The following CNTNAP3 variants were observed in gnomAD, a reference collection of about 807,000 sequenced individuals.
CNTNAP3 encodes the protein contactin associated protein family member 3, also known as contactin-associated protein-like 3.
CNTNAP3 carries 36 observed loss-of-function variants against 92.1 expected under a neutral mutation model. The ratio of observed to expected loss-of-function variants is 0.39; its 90% confidence interval spans 0.30 to 0.52. The LOEUF (loss-of-function observed/expected upper bound fraction) is 0.52. CNTNAP3 is among the 20% of genes least tolerant of loss of function. The pLI is 0.76. For synonymous variants in CNTNAP3, 232 were observed against 422.3 expected, an observed-to-expected ratio of 0.55 and a Z score of 5.53; for missense variants, 534 against 1,069.6, an observed-to-expected ratio of 0.50 and a Z score of 6.98.
intron 11 of CNTNAP3, among the ~76,000 whole-genome samples, chr9:39,141,889 T>C (rs1260060634): frequency 6.6e-6 from 1 of 152,178 alleles, no homozygotes; most frequent in Non-Finnish European, 1.5e-5. Flanking sequence ...TAATGAGTTA[T>C]ATACAATTAA....
chr9:39,094,077 G>T (rs533982613), intron 18 of CNTNAP3, among the ~76,000 whole-genome samples: 4 of 151,446 alleles, frequency 2.6e-5, no homozygotes, highest in African/African-American at 9.7e-5. Flanking sequence ...TAGTAGGTTT[G>T]AAGAGGCAGC....
At chr9:39,134,537 G>C (rs1211837995) in intron 12 of CNTNAP3, among the ~76,000 whole-genome samples, 1 of 152,038 alleles carries the variant, frequency 6.6e-6, no homozygotes, top group Non-Finnish European at 1.5e-5. Context: ...CAGTTCTCCT[G>C]TCTCAGCCTC....
At chr9:39,132,704 T>C (rs929767644) in intron 13 of CNTNAP3, among the ~76,000 whole-genome samples, 2 of 152,096 alleles carry the variant, frequency 1.3e-5, no homozygotes, top group African/African-American at 4.8e-5. Context: ...AAAGGACAAG[T>C]CACTAGTCCT....
chr9:39,122,598 A>ATT (rs1218764646), intron 13 of CNTNAP3, among the ~76,000 whole-genome samples: 10 of 152,236 alleles, frequency 6.6e-5, no homozygotes, highest in Non-Finnish European at 1.2e-4. Context: ...TTATGCAAAG[A>ATT]GCAAATTCAG....
Position 39,074,795 on chromosome 9 carries a change from G to T in CNTNAP3, c.3746-784C>A, listed in dbSNP as rs1825709839. On this transcript the variant is annotated intron_variant, in intron 23 of 23. Coordinates refer to ENST00000297668, the MANE Select transcript of CNTNAP3 (RefSeq NM_033655.5). The stretch of plus-strand genomic sequence containing the variant: ...ACTTTTCTTTTTTTTCTGAGACGGA[G>T]TCTTGCTCTGTCGCCCAGTCTGGAG... Among the ~76,000 whole-genome samples the T allele has an allele frequency of 2.0e-5, 3 of 152,286 alleles. No individual in the cohort carries two copies. In the South Asian group the frequency reaches 6.2e-4, roughly 32 times the overall value.
At chr9:39,140,973 A>G (rs1269443153) in intron 11 of CNTNAP3, among the ~76,000 whole-genome samples, 1 of 152,218 alleles carries the variant, frequency 6.6e-6, no homozygotes, top group Non-Finnish European at 1.5e-5. Flanking sequence ...ATGTGCTTAC[A>G]GTGGGAATGC....
Position 39,119,631 on chromosome 9 carries a change from A to T in CNTNAP3, c.2081-1372T>A, listed in dbSNP as rs566451467. 1.9e-4 allele frequency among the ~76,000 whole-genome samples: 29 copies of T among 152,284 alleles called. 2 individuals are homozygous for T. In the East Asian group the frequency reaches 1.9e-3, roughly 10 times the overall value. On this transcript the variant is annotated intron_variant, in intron 13 of 23. Coordinates refer to ENST00000297668, the MANE Select transcript of CNTNAP3 (RefSeq NM_033655.5). ...AAAGTAGTAAAAATGTATTTTTTTT[A>T]GAAACAGTAGCAAAAAGATGTAAGT...
Position 39,100,158 on chromosome 9 carries a change from G to T in CNTNAP3, c.2756-8C>A. On this transcript the variant is annotated splice_region_variant and splice_polypyrimidine_tract_variant and intron_variant, in intron 17 of 23. Transcript: ENST00000297668. Reference sequence around the variant, plus strand: ...GTCTGGTGGCCGTTCCACCTACAACGGAAACACTGCAAATAGAAATGTGTT... The same window carrying T: ...GTCTGGTGGCCGTTCCACCTACAACTGAAACACTGCAAATAGAAATGTGTT... 6.4e-7 allele frequency: 1 copy of T among 1,568,720 alleles called. No homozygotes were observed. The highest frequency in any genetic ancestry group is 8.7e-7 in the Non-Finnish European group (1 of 1,153,810).
intron 12 of CNTNAP3, among the ~76,000 whole-genome samples, chr9:39,133,733 A>G (rs1821360859): frequency 1.3e-5 from 2 of 151,772 alleles, no homozygotes; most frequent in Non-Finnish European, 2.9e-5. Context: ...ATCATTTCTG[A>G]TGTATCTCTG....
At chr9:39,145,369 G>T (rs1821673555) in intron 10 of CNTNAP3, among the ~76,000 whole-genome samples, 1 of 141,550 alleles carries the variant, frequency 7.1e-6, no homozygotes, top group Non-Finnish European at 1.6e-5. Flanking sequence ...GGCCGTGAGG[G>T]ACATCATAGT....
chr9:39,083,420 G>A (rs141989335), intron 21 of CNTNAP3, among the ~76,000 whole-genome samples: 1 of 152,064 alleles, frequency 6.6e-6, no homozygotes, highest in African/African-American at 2.4e-5. Flanking sequence ...CAGCACTTTG[G>A]GAGACTGAGG....
chr9:39,118,136 T>C lies in CNTNAP3; in HGVS notation c.2204A>G (p.Tyr735Cys). Residue 735 changes from tyrosine to cysteine, a missense_variant, in exon 14 of 24, where the codon TAT becomes TGT. Transcript: ENST00000297668. ...CCGGCCAGCATCACAGTTGCAGTAA[T>C]ACTGAGAATCAATGCAGTTCCCCTC... The part of the protein sequence containing the change: ...GLEGNCIDSQ[Y>C]YCNCDAGRNE... The C allele has an allele frequency of 6.2e-7, 1 of 1,610,246 alleles. No individual in the cohort carries two copies. Among genetic ancestry groups the C allele is most frequent in the Non-Finnish European group, 8.5e-7 (1 of 1,178,634 alleles).
intron 14 of CNTNAP3, among the ~76,000 whole-genome samples, chr9:39,113,760 C>T (rs1294372291): frequency 6.6e-6 from 1 of 151,618 alleles, no homozygotes; most frequent in African/African-American, 2.4e-5. Context: ...ATTTTTTATA[C>T]TTATTCAACA....
chr9:39,066,740 T>A lies in CNTNAP3; in HGVS notation c.*7150A>T, dbSNP rs1825517146. 6.6e-6 allele frequency among the ~76,000 whole-genome samples: 1 copy of A among 152,312 alleles called. No individual in the cohort carries two copies. Among genetic ancestry groups the A allele is most frequent in the South Asian group, 2.1e-4 (1 of 4,838 alleles). ...GCATTGCTTCCAAAAAGAAGTCTGG[T>A]ATCATCCTTGTTTTTCTTCTCTGTG... On this transcript the variant is annotated 3_prime_UTR_variant, in exon 24 of 24. Transcript: ENST00000297668.
At chr9:39,146,842 A>G (rs1821714359) in intron 10 of CNTNAP3, among the ~76,000 whole-genome samples, 1 of 152,200 alleles carries the variant, frequency 6.6e-6, no homozygotes, top group African/African-American at 2.4e-5. Context: ...GTCCCTAAGT[A>G]GGATTTTTAG....
chr9:39,147,308 T>C (rs1485541133), intron 10 of CNTNAP3, among the ~76,000 whole-genome samples: 1 of 151,264 alleles, frequency 6.6e-6, no homozygotes, highest in Non-Finnish European at 1.5e-5. Flanking sequence ...GCTGACATGC[T>C]TACAGGCCTG....
chr9:39,095,710 T>C (rs11790411), intron 18 of CNTNAP3, among the ~76,000 whole-genome samples: 11,443 of 116,036 alleles, frequency 0.099, 721 homozygotes, highest in East Asian at 0.2. Flanking sequence ...TTTTAATATA[T>C]TTCACGACAA....
At chr9:39,110,852 T>C (rs1826729485) in intron 14 of CNTNAP3, among the ~76,000 whole-genome samples, 1 of 152,220 alleles carries the variant, frequency 6.6e-6, no homozygotes. Context: ...ATGTACATTC[T>C]GATTTACAGA....
intron 15 of CNTNAP3, chr9:39,106,586 C>T (rs1393348806): frequency 6.6e-6 from 1 of 152,154 alleles, no homozygotes; most frequent in African/African-American, 2.4e-5. Context: ...ACTTTCTCTT[C>T]TCCATACTTT....
Sources: allele counts gnomAD v4.1 joint callset (sites outside exome capture counted in the v4.1 genomes callset), GRCh38; gene constraint gnomAD v4.1.1; transcripts MANE v1.5; gene names NCBI Gene and HGNC (gene_info 2026-07-23, HGNC 2026-07-21).